ANKRD28: variants seen among roughly 807,000 people sequenced by gnomAD.
ANKRD28 encodes serine/threonine-protein phosphatase 6 regulatory ankyrin repeat subunit A.
ANKRD28 carries 44 observed loss-of-function variants against 126.5 expected under a neutral mutation model. The ratio of observed to expected loss-of-function variants is 0.35; its 90% CI spans 0.27 to 0.45. ANKRD28 has a LOEUF of 0.45. ANKRD28 is among the 20% of genes least tolerant of loss of function. The pLI is 1.00. For synonymous variants in ANKRD28, 442 were observed against 468.5 expected (o/e 0.94, Z 0.73); for missense variants, 1,110 against 1,316.6 (o/e 0.84, Z 2.43).
chr3:15,766,098 A>G (rs1423557332), intron 3 of ANKRD28, 136 bp downstream of exon 3: 11 of 622,902 alleles, frequency 1.8e-5, no homozygotes, highest in Non-Finnish European at 3.0e-5. Flanking sequence ...TTATGGAATG[A>G]ATATAAAAAT....
chr3:15,687,948 C>A (rs551508300), intron 18 of ANKRD28, among the ~76,000 whole-genome samples: 3 of 152,234 alleles, frequency 2.0e-5, no homozygotes, highest in East Asian at 3.9e-4. Context: ...GAAAAAAAAC[C>A]CTCAGTGTTC....
chr3:15,799,296 A>C (rs577011458), upstream of ANKRD28, among the ~76,000 whole-genome samples: 1 of 150,250 alleles, frequency 6.7e-6, no homozygotes, highest in East Asian at 2.1e-4. Flanking sequence ...ACTTCAAAGC[A>C]AGTCTTAAAA....
intron 2 of ANKRD28, among the ~76,000 whole-genome samples, chr3:15,775,030 C>T (rs1322699449): frequency 6.6e-6 from 1 of 152,210 alleles, no homozygotes; most frequent in African/African-American, 2.4e-5. Flanking sequence ...GTGCCCACCA[C>T]CACGCCTGGC....
At chr3:15,803,013 T>C (rs967473933) in intron 1 of ANKRD28, among the ~76,000 whole-genome samples, 1 of 152,224 alleles carries the variant, frequency 6.6e-6, no homozygotes, top group African/African-American at 2.4e-5. Flanking sequence ...GTGGCCCATG[T>C]GGCTGGGGAA....
At chr3:15,827,205 T>C (rs1421571682) in intron 1 of ANKRD28, among the ~76,000 whole-genome samples, 1 of 152,064 alleles carries the variant, frequency 6.6e-6, no homozygotes. Context: ...GAAAACAGTA[T>C]GAAGGTTCCT....
At chr3:15,762,224 A>AAAAAAAAAAAAATAAAAAAAAAAAC (rs2058521761) in intron 3 of ANKRD28, among the ~76,000 whole-genome samples, 1 of 107,652 alleles carries the variant, frequency 9.3e-6, no homozygotes, top group African/African-American at 3.4e-5. Flanking sequence ...CAAAACAAAA[A>AAAAAAAAAAAAATAAAAAAAAAAAC]AAAAAAAACT....
chr3:15,729,015 T>C (rs936330038), intron 6 of ANKRD28, among the ~76,000 whole-genome samples: 2 of 152,164 alleles, frequency 1.3e-5, no homozygotes, highest in African/African-American at 2.4e-5. Flanking sequence ...TGACATCATC[T>C]TGAATGTGGC....
chr3:15,788,074 A>G, intron 2 of ANKRD28, among the ~76,000 whole-genome samples: 1 of 152,154 alleles, frequency 6.6e-6, no homozygotes, highest in Middle Eastern at 3.2e-3. Flanking sequence ...CAGCCTTCCT[A>G]TGTTTAAACA....
intron 1 of ANKRD28, among the ~76,000 whole-genome samples, chr3:15,850,224 T>TATATATATATATAG (rs1418223588): frequency 2.0e-3 from 69 of 35,080 alleles, no homozygotes; most frequent in Non-Finnish European, 3.3e-3. Context: ...TATATATATA[T>TATATATATATATAG]AGAGAGAGAG....
intron 1 of ANKRD28, among the ~76,000 whole-genome samples, chr3:15,807,231 C>CA (rs1371534992): frequency 6.6e-6 from 1 of 152,198 alleles, no homozygotes; most frequent in Non-Finnish European, 1.5e-5. Flanking sequence ...CTAGAAGCCC[C>CA]ACAAGCTGAC....
chr3:15,846,135 C>T lies in ANKRD28; in HGVS notation c.27+13242G>A, dbSNP rs924427947. Among the ~76,000 whole-genome samples, 6 of 132,192 alleles carry T rather than the reference C, an allele frequency of 4.5e-5. No homozygotes were observed. The highest frequency in any genetic ancestry group is 1.6e-4 in the African/African-American group (6 of 36,562). The allele number at this position is 132,192 out of a possible 152,430, so 86.7% of individuals were successfully genotyped here. On this transcript the variant is annotated intron_variant, in intron 1 of 27. Coordinates refer to the ANKRD28 transcript ENST00000399451. This position sits in a 1 kb window ranked among gnomAD's most constrained non-coding sequence, Gnocchi z 5.4. ...TCGTCCCAGCGTTAACTCAGAAATC[C>T]AAGCCCAAAGTCTCATCTGAGACAA... is the stretch of plus-strand genomic sequence containing the variant.
At chr3:15,852,222 TA>T (rs1222002068) in intron 1 of ANKRD28, among the ~76,000 whole-genome samples, 2 of 152,224 alleles carry the variant, frequency 1.3e-5, no homozygotes, top group South Asian at 2.1e-4. Flanking sequence ...GGTTAAAATA[TA>T]AAAAAGATCA....
intron 3 of ANKRD28, among the ~76,000 whole-genome samples, chr3:15,759,912 A>T (rs1171077878): frequency 1.3e-5 from 2 of 152,180 alleles, no homozygotes; most frequent in Non-Finnish European, 2.9e-5. Context: ...GGTAATTCAC[A>T]GGAAAAGCAC....
At chr3:15,825,017 T>A (rs1445857137) in intron 1 of ANKRD28, among the ~76,000 whole-genome samples, 1 of 152,138 alleles carries the variant, frequency 6.6e-6, no homozygotes, top group East Asian at 1.9e-4. Flanking sequence ...AGCCAACTTG[T>A]GTGTTAAAAG....
chr3:15,697,494 A>G (rs1251977488), intron 14 of ANKRD28: 2 of 151,904 alleles, frequency 1.3e-5, no homozygotes, highest in African/African-American at 4.8e-5. Flanking sequence ...ATAAAAATAA[A>G]TTTAATCATG....
In ANKRD28 at chr3:15,670,100, T is replaced by C; in HGVS notation, c.*170A>G. The C allele has an allele frequency of 1.5e-6, 1 of 688,880 alleles. No homozygotes were observed. The highest frequency in any genetic ancestry group is 2.8e-5 in the East Asian group (1 of 35,978). The allele number at this position is 688,880 out of a possible 1,614,324, so 42.7% of individuals were successfully genotyped here. On this transcript the variant is annotated 3_prime_UTR_variant, in exon 28 of 28. Transcript: ENST00000683139. ...TTCAAGATTCTAGAAGTTCCTTTTG[T>C]AAAACTTGCCTTTAAAACTCTTCCT... is the stretch of plus-strand genomic sequence containing the variant.
At chr3:15,740,473 A>G (rs2075373087) in intron 4 of ANKRD28, among the ~76,000 whole-genome samples, 1 of 152,242 alleles carries the variant, frequency 6.6e-6, no homozygotes, top group Admixed American at 6.5e-5. Flanking sequence ...CCTGATCCTC[A>G]CCTCTGAGAA....
chr3:15,767,200 C>T (rs1447650), intron 2 of ANKRD28, among the ~76,000 whole-genome samples: 9,071 of 152,190 alleles, frequency 0.06, 362 homozygotes, highest in South Asian at 0.11. Flanking sequence ...AACAACAGTG[C>T]TCTCCAGTTC....
chr3:15,777,903 C>CACACACACA (rs1553631647), intron 2 of ANKRD28, among the ~76,000 whole-genome samples: 110 of 148,908 alleles, frequency 7.4e-4, no homozygotes, highest in Non-Finnish European at 8.9e-4. Context: ...CACACACACA[C>CACACACACA]CCTCTCCGCC....
Sources: allele counts gnomAD v4.1 joint callset (sites outside exome capture counted in the v4.1 genomes callset), GRCh38; gene constraint gnomAD v4.1.1; non-coding constraint Gnocchi (gnomAD v3.1); transcripts MANE v1.5; gene names NCBI Gene and HGNC (gene_info 2026-07-23, HGNC 2026-07-21).